Variants in PPP1R12A observed in about 807,000 individuals in gnomAD.
PPP1R12A encodes the protein myosin binding subunit.
Under a neutral mutation model 139.6 loss-of-function variants are expected in PPP1R12A, and 19 were observed. The observed-to-expected ratio is 0.14, with a 90% CI of 0.09 to 0.20. The LOEUF is 0.20. Among genes scored for constraint, PPP1R12A ranks in the 10% least tolerant of loss-of-function variants. PPP1R12A has a pLI of 1.00. For synonymous variants in PPP1R12A, 427 were observed against 420.6 expected (o/e 1.02, Z -0.19); for missense variants, 925 against 1,211.5 (o/e 0.76, Z 3.51).
In PPP1R12A at chr12:79,821,150, C is replaced by T. The variant is rs759307990; in HGVS notation, c.884G>A (p.Arg295Gln). Residue 295 changes from arginine (R) to glutamine (Q), a missense_variant, in exon 7 of 25, where the codon CGG becomes CAG. Physicochemically the swap from Arg to Gln is conservative, Grantham distance 43 (BLOSUM62 1). Transcript: ENST00000450142. Reference protein sequence around the residue: ...KKQNLLHSEKRDKKSPLIEST... With the variant: ...KKQNLLHSEKQDKKSPLIEST... ...TTCAATTAGTGGAGATTTCTTGTCC[C>T]GTTTTTCACTATGGAGCTTTGTACA... 33 of 1,611,898 alleles carry T rather than the reference C, an allele frequency of 2.0e-5. No homozygotes were observed. Among genetic ancestry groups the T allele is most frequent in the Admixed American group, 5.0e-5 (3 of 59,954 alleles).
intron 3 of PPP1R12A, among the ~76,000 whole-genome samples, chr12:79,843,798 G>T (rs1879063859): frequency 6.6e-6 from 1 of 151,366 alleles, no homozygotes; most frequent in Non-Finnish European, 1.5e-5. Flanking sequence ...CCGCCTCCCG[G>T]GTTCAAGCAA....
chr12:79,848,633 G>C (rs140383864), intron 2 of PPP1R12A, among the ~76,000 whole-genome samples: 8 of 152,158 alleles, frequency 5.3e-5, no homozygotes, highest in African/African-American at 1.9e-4. Flanking sequence ...AAAAGATTAC[G>C]TACGTGTGTA....
chr12:79,860,665 G>A (rs1881213757), intron 2 of PPP1R12A, among the ~76,000 whole-genome samples: 1 of 152,132 alleles, frequency 6.6e-6, no homozygotes, highest in African/African-American at 2.4e-5. Context: ...GGTGGTAGAG[G>A]AGGTATTGCC....
At chr12:79,850,101 C>T (rs529585765) in intron 2 of PPP1R12A, among the ~76,000 whole-genome samples, 6 of 152,144 alleles carry the variant, frequency 3.9e-5, no homozygotes, top group South Asian at 4.2e-4. Flanking sequence ...TGTGAGCCAC[C>T]GGGCCCAACC....
intron 1 of PPP1R12A, among the ~76,000 whole-genome samples, chr12:79,917,564 G>GCT (rs1480944524): frequency 2.0e-5 from 3 of 150,632 alleles, no homozygotes; most frequent in Admixed American, 6.6e-5. Flanking sequence ...ATCTGCTGAT[G>GCT]CTTACTCAAA....
At chr12:79,869,419 T>C (rs1389688037) in intron 2 of PPP1R12A, among the ~76,000 whole-genome samples, 1 of 152,224 alleles carries the variant, frequency 6.6e-6, no homozygotes, top group Non-Finnish European at 1.5e-5. Context: ...ATTACTACTA[T>C]TCAGTGCATA....
chr12:79,867,571 A>G (rs1459022974), intron 2 of PPP1R12A, among the ~76,000 whole-genome samples: 1 of 151,466 alleles, frequency 6.6e-6, no homozygotes, highest in Non-Finnish European at 1.5e-5. Context: ...GATAGCAAGG[A>G]AATTCATTAT....
intron 12 of PPP1R12A, 68 bp downstream of exon 12, chr12:79,807,158 C>T (rs1437602206): frequency 1.2e-6 from 1 of 851,584 alleles, no homozygotes; most frequent in African/African-American, 1.8e-5. Context: ...AAACTGAGGG[C>T]TCCAAACAAA....
At chr12:79,894,882 G>A (rs747589365) in intron 1 of PPP1R12A, among the ~76,000 whole-genome samples, 3 of 152,050 alleles carry the variant, frequency 2.0e-5, no homozygotes, top group Non-Finnish European at 4.4e-5. Context: ...TCCGCCTTTC[G>A]TCTTGCTTTC....
chr12:79,779,803 GTA>G, intron 23 of PPP1R12A: 3 of 163,660 alleles, frequency 1.8e-5, no homozygotes, highest in Admixed American at 5.8e-5. Flanking sequence ...TAGTGGTAAA[GTA>G]AGACAAGAAA....
intron 1 of PPP1R12A, among the ~76,000 whole-genome samples, chr12:79,906,517 T>C: frequency 6.6e-6 from 1 of 152,194 alleles, no homozygotes; most frequent in East Asian, 1.9e-4. Flanking sequence ...ACATCAATAT[T>C]ATCCATATTT....
At chr12:79,849,278 CTT>C (rs1014960951) in intron 2 of PPP1R12A, among the ~76,000 whole-genome samples, 1 of 152,016 alleles carries the variant, frequency 6.6e-6, no homozygotes, top group African/African-American at 2.4e-5. Flanking sequence ...ATCCCAGCTA[CTT>C]GGAGGCTAAG....
At chr12:79,779,661 T>C (rs1418113635) in intron 23 of PPP1R12A, 2 of 281,828 alleles carry the variant, frequency 7.1e-6, no homozygotes, top group Non-Finnish European at 1.4e-5. Context: ...ATCACACTTC[T>C]CAAAATACTA....
chr12:79,929,700 C>T (rs1021493772), intron 1 of PPP1R12A, among the ~76,000 whole-genome samples: 6 of 151,182 alleles, frequency 4.0e-5, no homozygotes, highest in Non-Finnish European at 5.9e-5. Flanking sequence ...ACCTGGGCGG[C>T]GGAGTTTGCA....
Position 79,890,891 on chromosome 12 carries a change from C to A in PPP1R12A, c.238-17953G>T, listed in dbSNP as rs866934044. On this transcript the variant is annotated intron_variant, in intron 1 of 24. Transcript: ENST00000450142. ...AACCTCAAGAATACACACACACCAC[C>A]CACCCACACCCACCCACACACACAC... 1.1e-3 allele frequency among the ~76,000 whole-genome samples: 107 copies of A among 99,588 alleles called. 1 individual carries two copies. Among genetic ancestry groups the A allele is most frequent in the South Asian group, 0.01 (29 of 2,784 alleles). The allele number at this position is 99,588 out of a possible 152,430, so 65.3% of individuals were successfully genotyped here.
At chr12:79,849,610 C>A (rs1424747946) in intron 2 of PPP1R12A, among the ~76,000 whole-genome samples, 1 of 151,914 alleles carries the variant, frequency 6.6e-6, no homozygotes, top group African/African-American at 2.4e-5. Context: ...GGAAAGAAAA[C>A]AAACAAACAA....
intron 1 of PPP1R12A, among the ~76,000 whole-genome samples, chr12:79,905,342 C>CG (rs375076221): frequency 2.2e-4 from 23 of 103,806 alleles, no homozygotes; most frequent in African/African-American, 6.9e-4. Flanking sequence ...TTTTGCCGCC[C>CG]CCCCCCACCC....
At chr12:79,907,925 C>A (rs1886260016) in intron 1 of PPP1R12A, among the ~76,000 whole-genome samples, 1 of 152,218 alleles carries the variant, frequency 6.6e-6, no homozygotes, top group Middle Eastern at 3.4e-3. Context: ...ATCTATGTTT[C>A]TTTAAAAATT....
chr12:79,805,861 GGGAT>G, intron 13 of PPP1R12A, 93 bp from the exon 14 acceptor site: 5 of 1,321,470 alleles, frequency 3.8e-6, no homozygotes, highest in Non-Finnish European at 5.1e-6. Context: ...CATGACTACA[GGGAT>G]GGATTTTTTT....
Sources: allele counts gnomAD v4.1 joint callset (sites outside exome capture counted in the v4.1 genomes callset), GRCh38; gene constraint gnomAD v4.1.1; transcripts MANE v1.5; gene names NCBI Gene and HGNC (gene_info 2026-07-23, HGNC 2026-07-21).